MALRD1: variants seen among roughly 807,000 people sequenced by gnomAD.
MALRD1 encodes the protein MAM and LDL receptor class A domain containing 1.
In MALRD1, 247 loss-of-function variants were observed where a neutral mutation model predicts 242.1. The ratio of observed to expected loss-of-function variants is 1.02; its 90% CI spans 0.92 to 1.13. The LOEUF (loss-of-function observed/expected upper bound fraction) is 1.13, where lower values mean the gene tolerates loss of function less well. MALRD1 is among the 50% of genes most tolerant of loss of function. The pLI, the probability that MALRD1 is intolerant of heterozygous loss-of-function variation, is 0.00. For synonymous variants in MALRD1, 995 were observed against 866.6 expected (o/e 1.15, Z -2.60); for missense variants, 2,989 against 2,533.1 (o/e 1.18, Z -3.86).
intron 30 of MALRD1, chr10:19,493,456 A>G (rs1035944685): frequency 1.3e-5 from 2 of 152,134 alleles, no homozygotes; most frequent in African/African-American, 4.8e-5. Context: ...TAGTATGTAC[A>G]TTCTCAAATA....
chr10:19,430,021 G>T (rs559568323), intron 28 of MALRD1, among the ~76,000 whole-genome samples: 1 of 150,986 alleles, frequency 6.6e-6, no homozygotes, highest in Non-Finnish European at 1.5e-5. Flanking sequence ...CAGACTATTC[G>T]AGATTCCCAT....
chr10:19,294,826 T>G (rs554353992), intron 21 of MALRD1, among the ~76,000 whole-genome samples: 34 of 152,298 alleles, frequency 2.2e-4, no homozygotes, highest in Non-Finnish European at 4.4e-4. Context: ...AGTTTTATTT[T>G]AGAAAAGTGT....
chr10:19,307,215 G>C (rs1168514420), intron 21 of MALRD1, among the ~76,000 whole-genome samples: 1 of 149,450 alleles, frequency 6.7e-6, no homozygotes, highest in East Asian at 2.0e-4. Flanking sequence ...ACTATTCTCA[G>C]CTACAGAAAC....
chr10:19,204,134 T>C (rs17721336), intron 15 of MALRD1, among the ~76,000 whole-genome samples, 174 bp from the exon 16 acceptor site: 25,294 of 152,162 alleles, frequency 0.17, 2,756 homozygotes, highest in Admixed American at 0.26. Flanking sequence ...GAGATGTAGA[T>C]AGTGGTTCAA....
chr10:19,067,641 C>T (rs1458725756), intron 2 of MALRD1, among the ~76,000 whole-genome samples: 2 of 152,038 alleles, frequency 1.3e-5, no homozygotes. Context: ...ATTACACATG[C>T]AGATTAGACT....
At chr10:19,530,384 ATATATTTATATAAATATTATATAT>A in intron 31 of MALRD1, among the ~76,000 whole-genome samples, 3 of 9,940 alleles carry the variant, frequency 3.0e-4, no homozygotes, top group Non-Finnish European at 1.7e-3. Context: ...TATAAATATT[ATATATTTATATAAATATTATATAT>A]TTATATAATA....
chr10:19,450,790 T>G (rs1835280161), intron 29 of MALRD1, among the ~76,000 whole-genome samples: 1 of 152,166 alleles, frequency 6.6e-6, no homozygotes, highest in Non-Finnish European at 1.5e-5. Flanking sequence ...AGATTTGGTA[T>G]CTGGTGAAGG....
At chr10:19,524,366 A>G (rs1311015652) in intron 31 of MALRD1, among the ~76,000 whole-genome samples, 1 of 152,124 alleles carries the variant, frequency 6.6e-6, no homozygotes, top group Admixed American at 6.6e-5. Flanking sequence ...AGTCCCAGCT[A>G]CTTGGGAGGC....
At chr10:19,420,782 A>G (rs1375314283) in intron 28 of MALRD1, among the ~76,000 whole-genome samples, 1 of 152,208 alleles carries the variant, frequency 6.6e-6, no homozygotes, top group East Asian at 1.9e-4. Context: ...TACACAATAA[A>G]TGCAGTGCAC....
At chr10:19,290,138 G>C (rs1841337478) in intron 21 of MALRD1, 1 of 152,158 alleles carries the variant, frequency 6.6e-6, no homozygotes, top group Non-Finnish European at 1.5e-5. Flanking sequence ...CCATGAAAAT[G>C]ACATGACTAC....
chr10:19,108,603 G>A lies in MALRD1; in HGVS notation c.694+4528G>A, dbSNP rs1836562337. Among the ~76,000 whole-genome samples, 5 of 67,742 alleles carry A rather than the reference G, an allele frequency of 7.4e-5. 2 individuals carry two copies. 44.4% of individuals were successfully genotyped at this position (67,742 alleles called of 152,430 possible). On this transcript the variant is annotated intron_variant, in intron 5 of 39. Transcript: ENST00000454679. ...CTAATTTTTTGTATTTTTTTTAGTA[G>A]AGACGGGGTTTCACCTTGTTAGCCA...
chr10:19,434,502 G>T (rs1318844725), intron 28 of MALRD1, among the ~76,000 whole-genome samples: 1 of 151,712 alleles, frequency 6.6e-6, no homozygotes, highest in Admixed American at 6.6e-5. Flanking sequence ...ATTTCAAAAT[G>T]TTTGCAGTTT....
At chr10:19,586,411 A>T (rs1440619289) in intron 33 of MALRD1, among the ~76,000 whole-genome samples, 1 of 151,892 alleles carries the variant, frequency 6.6e-6, no homozygotes, top group Non-Finnish European at 1.5e-5. Flanking sequence ...TTTGGTGTGG[A>T]TGTCCTTTCT....
intron 31 of MALRD1, among the ~76,000 whole-genome samples, chr10:19,503,755 A>C (rs148602957): frequency 9.7e-4 from 148 of 152,324 alleles, no homozygotes; most frequent in Middle Eastern, 3.4e-3. Flanking sequence ...CATTTAAATA[A>C]GTTTGAATTG....
rs559255055 is a variant in MALRD1, at chr10:19,734,151, C to A, written c.6391-6C>A. 2 of 1,528,788 alleles carry A rather than the reference C, an allele frequency of 1.3e-6. No individual in the cohort carries two copies. Among genetic ancestry groups the A allele is most frequent in the South Asian group, 1.2e-5 (1 of 82,364 alleles). 94.7% of individuals were successfully genotyped at this position (1,528,788 alleles called of 1,614,324 possible). On this transcript the variant is annotated splice_region_variant and splice_polypyrimidine_tract_variant and intron_variant, in intron 39 of 39. Coordinates refer to ENST00000454679, the MANE Select transcript of MALRD1 (RefSeq NM_001142308.3). ...CCACCCTTTCAAATGTGTTTTTCTTCGTCAGAGTTCTGTCTATTCCTTCTC... is the reference window on the plus strand; with the variant it reads ...CCACCCTTTCAAATGTGTTTTTCTTAGTCAGAGTTCTGTCTATTCCTTCTC...
At chr10:19,396,493 A>G (rs1175923841) in intron 28 of MALRD1, among the ~76,000 whole-genome samples, 2 of 152,124 alleles carry the variant, frequency 1.3e-5, no homozygotes, top group African/African-American at 4.8e-5. Context: ...TTAATCTTCA[A>G]AATAAGATGG....
chr10:19,490,261 C>G (rs1490266279), intron 29 of MALRD1, among the ~76,000 whole-genome samples: 1 of 151,562 alleles, frequency 6.6e-6, no homozygotes, highest in Non-Finnish European at 1.5e-5. Flanking sequence ...TTTGATTTTT[C>G]TATCTAAATT....
intron 5 of MALRD1, among the ~76,000 whole-genome samples, chr10:19,107,914 T>C (rs1309620364): frequency 6.6e-6 from 1 of 152,180 alleles, no homozygotes; most frequent in Non-Finnish European, 1.5e-5. Context: ...AGAATTTTAC[T>C]GTCCTCCCAC....
intron 38 of MALRD1, among the ~76,000 whole-genome samples, chr10:19,719,731 C>T (rs1834653140): frequency 6.6e-6 from 1 of 151,930 alleles, no homozygotes; most frequent in Non-Finnish European, 1.5e-5. Flanking sequence ...TCAGTTTGTT[C>T]CTTAAGGACT....
Sources: allele counts gnomAD v4.1 joint callset (sites outside exome capture counted in the v4.1 genomes callset), GRCh38; gene constraint gnomAD v4.1.1; transcripts MANE v1.5; gene names NCBI Gene and HGNC (gene_info 2026-07-23, HGNC 2026-07-21).